CSMD1: variants seen among roughly 807,000 people sequenced by gnomAD.
The protein encoded by CSMD1 is CUB and sushi domain-containing protein 1.
CSMD1 carries 213 observed loss-of-function variants against 417.5 expected under a neutral mutation model. The observed-to-expected ratio is 0.51, with a 90% CI of 0.46 to 0.57. CSMD1 has a LOEUF of 0.57. Ranked by LOEUF, CSMD1 falls within the 20% of genes least tolerant of loss-of-function variation. The pLI is 0.00. For missense variants in CSMD1, 6,923 were observed against 4,529.7 expected (o/e 1.53, Z -15.17); for synonymous variants, 2,862 against 1,736.8 (o/e 1.65, Z -16.11).
intron 1 of CSMD1, among the ~76,000 whole-genome samples, chr8:4,846,124 C>T (rs1035996716): frequency 7.2e-5 from 11 of 152,140 alleles, no homozygotes; most frequent in African/African-American, 2.7e-4. Flanking sequence ...CCATTGAGTA[C>T]CTCATCTCTT....
At chr8:4,925,938 C>T (rs1055957189) in intron 1 of CSMD1, among the ~76,000 whole-genome samples, 3 of 152,166 alleles carry the variant, frequency 2.0e-5, no homozygotes, top group Admixed American at 1.3e-4. Flanking sequence ...TGATGCATTT[C>T]CAGCCAGAGG....
At chr8:3,685,527 G>T (rs1799902368) in intron 7 of CSMD1, among the ~76,000 whole-genome samples, 1 of 152,098 alleles carries the variant, frequency 6.6e-6, no homozygotes, top group African/African-American at 2.4e-5. Context: ...AAAATTAGGG[G>T]TTTATATAAC....
chr8:3,232,005 T>C (rs1014137996), intron 26 of CSMD1, among the ~76,000 whole-genome samples: 7 of 152,222 alleles, frequency 4.6e-5, no homozygotes, highest in Admixed American at 3.3e-4. Context: ...TACATTGAAA[T>C]ATATACATGT....
chr8:4,512,960 G>A (rs557244556), intron 2 of CSMD1, among the ~76,000 whole-genome samples: 3 of 152,220 alleles, frequency 2.0e-5, no homozygotes, highest in African/African-American at 4.8e-5. Flanking sequence ...AGCAAAATTA[G>A]GGAAACAGTG....
intron 1 of CSMD1, among the ~76,000 whole-genome samples, chr8:4,780,899 T>G (rs1301656063): frequency 6.6e-6 from 1 of 152,224 alleles, no homozygotes; most frequent in Non-Finnish European, 1.5e-5. Flanking sequence ...CGCTGTTCAT[T>G]CATTCCTTAT....
chr8:4,984,390 G>T lies in CSMD1; in HGVS notation c.85+9942C>A, dbSNP rs146684934. On this transcript the variant is annotated intron_variant, in intron 1 of 69. Transcript: ENST00000635120. Reference sequence around the variant, plus strand: ...GACTAGTCCCATGACAGTAGTGTACGCTTCCGATCCGACCTTCAGCTTTAA... The same window carrying T: ...GACTAGTCCCATGACAGTAGTGTACTCTTCCGATCCGACCTTCAGCTTTAA... Among the ~76,000 whole-genome samples the T allele has an allele frequency of 9.2e-5, 14 of 152,308 alleles. No individual in the cohort carries two copies. In the East Asian group the frequency reaches 1.9e-3, roughly 21 times the overall value.
chr8:3,552,701 G>T (rs1016267521), intron 10 of CSMD1, among the ~76,000 whole-genome samples: 2 of 152,150 alleles, frequency 1.3e-5, no homozygotes, highest in Non-Finnish European at 2.9e-5. Context: ...TGGGTCTGAA[G>T]TTTTAGACTA....
intron 2 of CSMD1, among the ~76,000 whole-genome samples, chr8:4,537,775 C>A (rs950032908): frequency 6.6e-6 from 1 of 152,218 alleles, no homozygotes; most frequent in African/African-American, 2.4e-5. Context: ...AATCACCAGG[C>A]ATGCAGCCGT....
At chr8:4,446,795 G>C (rs13253699) in intron 2 of CSMD1, among the ~76,000 whole-genome samples, 3 of 128,958 alleles carry the variant, frequency 2.3e-5, no homozygotes, top group Non-Finnish European at 5.2e-5. Flanking sequence ...GTGTGTGTGT[G>C]TATTTTTAGT....
At chr8:3,401,064 C>T (rs756203169) in intron 15 of CSMD1, among the ~76,000 whole-genome samples, 12 of 151,574 alleles carry the variant, frequency 7.9e-5, no homozygotes, top group Admixed American at 5.3e-4. Context: ...TAATTCAATT[C>T]TTTTGTTTTT....
At chr8:3,377,232 G>A (rs529674885) in intron 18 of CSMD1, among the ~76,000 whole-genome samples, 2 of 152,166 alleles carry the variant, frequency 1.3e-5, no homozygotes, top group South Asian at 2.1e-4. Context: ...GGCTGGCCTC[G>A]AACTCCTGGG....
At chr8:4,746,484 C>T (rs35884987) in intron 1 of CSMD1, among the ~76,000 whole-genome samples, 12,612 of 152,256 alleles carry the variant, frequency 0.083, 674 homozygotes, top group Non-Finnish European at 0.12. Context: ...ATGAGTGATT[C>T]GTGTCTTTAT....
chr8:4,215,948 T>A (rs1240582677), intron 3 of CSMD1, among the ~76,000 whole-genome samples: 1 of 152,080 alleles, frequency 6.6e-6, no homozygotes, highest in African/African-American at 2.4e-5. Flanking sequence ...ACATGCCAGT[T>A]TCTTTTGTTG....
intron 10 of CSMD1, among the ~76,000 whole-genome samples, chr8:3,494,599 G>GATAGATAC: frequency 7.2e-6 from 1 of 138,152 alleles, no homozygotes; most frequent in Non-Finnish European, 1.6e-5. Context: ...TAGATAGATA[G>GATAGATAC]ATAGATAGAT....
At chr8:4,647,937 T>C (rs999828819) in intron 1 of CSMD1, among the ~76,000 whole-genome samples, 1 of 152,214 alleles carries the variant, frequency 6.6e-6, no homozygotes, top group Non-Finnish European at 1.5e-5. Flanking sequence ...TACCCAGTAA[T>C]GGGATTGCTG....
intron 5 of CSMD1, among the ~76,000 whole-genome samples, chr8:3,814,015 A>G (rs1005743915): frequency 6.6e-6 from 1 of 152,168 alleles, no homozygotes; most frequent in Admixed American, 6.5e-5. Flanking sequence ...AGATTAATGC[A>G]ACAGATTAAA....
intron 3 of CSMD1, among the ~76,000 whole-genome samples, chr8:4,299,457 G>T (rs146431388): frequency 6.6e-6 from 1 of 152,088 alleles, no homozygotes; most frequent in African/African-American, 2.4e-5. Context: ...ACTAGTAATT[G>T]GTTCTTTAAT....
rs1563282662 is a variant in CSMD1 at position 4,212,776 on chromosome 8, T to TTTTA, written c.416-180678_416-180677insTAAA. Among the ~76,000 whole-genome samples the TTTTA allele has an allele frequency of 2.8e-5, 3 of 105,850 alleles. No individual in the cohort carries two copies. In the East Asian group the frequency reaches 8.2e-4, roughly 29 times the overall value. 69.4% of individuals were successfully genotyped at this position (105,850 alleles called of 152,430 possible). A position where few individuals can be genotyped will look rare whatever the true frequency, so the allele number is the denominator to read the frequency against. On this transcript the variant is annotated intron_variant, in intron 3 of 69. Transcript: ENST00000635120. ...CTTTTTTTTTTTTTTTTTTTTTTTTTACAAGCTATTGAACAATCTCATTGC... is the reference window on the plus strand; with the variant it reads ...CTTTTTTTTTTTTTTTTTTTTTTTTTTTTAACAAGCTATTGAACAATCTCATTGC...
At chr8:3,242,049 T>A (rs1799566511) in intron 26 of CSMD1, among the ~76,000 whole-genome samples, 1 of 100,672 alleles carries the variant, frequency 9.9e-6, no homozygotes, top group Non-Finnish European at 2.2e-5. Context: ...GGCTGGATTT[T>A]TATATTTGAT....
Sources: gnomAD v4.1 joint callset for allele counts (sites outside exome capture counted in the v4.1 genomes callset) on GRCh38, gnomAD v4.1.1 for gene constraint, MANE v1.5 for transcripts, NCBI Gene and HGNC (gene_info 2026-07-23, HGNC 2026-07-21) for gene names.